SHANK2: variants seen among roughly 807,000 people sequenced by gnomAD.
SHANK2 encodes the protein SH3 and multiple ankyrin repeat domains protein 2.
SHANK2 carries 43 observed loss-of-function variants against 133.7 expected under a neutral mutation model. That is an observed-to-expected ratio of 0.32 (90% CI 0.25 to 0.41). The LOEUF (loss-of-function observed/expected upper bound fraction) is 0.41. Among genes scored for constraint, SHANK2 ranks in the 10% least tolerant of loss-of-function variants. The pLI is 1.00. For synonymous variants in SHANK2, 1,017 were observed against 952.8 expected, an observed-to-expected ratio of 1.07 and a Z score of -1.24; for missense variants, 1,994 against 2,235.8, an observed-to-expected ratio of 0.89 and a Z score of 2.18.
At chr11:70,934,129 G>A (rs1950538595) in intron 10 of SHANK2, among the ~76,000 whole-genome samples, 1 of 151,706 alleles carries the variant, frequency 6.6e-6, no homozygotes, top group African/African-American at 2.4e-5. Flanking sequence ...CCACTCCATA[G>A]GCAGAGGCGG....
chr11:70,755,364 G>A (rs782635435), intron 14 of SHANK2, among the ~76,000 whole-genome samples: 5 of 152,354 alleles, frequency 3.3e-5, no homozygotes, highest in East Asian at 1.9e-4. Context: ...GAGCCACTGC[G>A]CCCAGCGCGC....
intron 10 of SHANK2, among the ~76,000 whole-genome samples, chr11:70,913,565 A>T (rs1950226046): frequency 6.6e-6 from 1 of 152,210 alleles, no homozygotes; most frequent in Non-Finnish European, 1.5e-5. Context: ...AACAGCAAAG[A>T]ACCAGGGATG....
At chr11:70,930,239 A>G (rs946671761) in intron 10 of SHANK2, among the ~76,000 whole-genome samples, 1 of 152,162 alleles carries the variant, frequency 6.6e-6, no homozygotes, top group East Asian at 1.9e-4. Flanking sequence ...CTGTGGAAGG[A>G]AGCATGTCCT....
intron 5 of SHANK2, among the ~76,000 whole-genome samples, chr11:71,112,418 T>C (rs1183086540): frequency 6.6e-6 from 1 of 152,098 alleles, no homozygotes; most frequent in Non-Finnish European, 1.5e-5. Flanking sequence ...AATCCTTGCA[T>C]GCATCTGATA....
At chr11:70,619,628 C>G (rs930764520) in intron 17 of SHANK2, among the ~76,000 whole-genome samples, 4 of 152,204 alleles carry the variant, frequency 2.6e-5, no homozygotes, top group African/African-American at 4.8e-5. Context: ...TCTTGGGGAC[C>G]CTTATTCAGC....
At chr11:70,890,566 G>C (rs1302392107) in intron 11 of SHANK2, among the ~76,000 whole-genome samples, 1 of 151,986 alleles carries the variant, frequency 6.6e-6, no homozygotes, top group Admixed American at 6.5e-5. Context: ...TTGGGAGGCT[G>C]AGGCGGGCGG....
intron 2 of SHANK2, among the ~76,000 whole-genome samples, chr11:71,161,442 C>G (rs1953015260): frequency 2.0e-5 from 3 of 152,224 alleles, no homozygotes; most frequent in Non-Finnish European, 4.4e-5. Context: ...AACTAAGAGC[C>G]TGGCATCTTT....
At position 70,807,114 on chromosome 11, in the gene SHANK2, C is replaced by T. The variant is rs1555052102; in HGVS notation, c.1551G>A (p.Gly517=). 3 of 718,012 alleles carry T rather than the reference C, an allele frequency of 4.2e-6. No homozygotes were observed. In the South Asian group the frequency reaches 4.4e-5, roughly 11 times the overall value. The allele number at this position is 718,012 out of a possible 1,614,324, so 44.5% of individuals were successfully genotyped here. A position where few individuals can be genotyped will look rare whatever the true frequency, so the allele number is the denominator to read the frequency against. Residue 517 remains glycine, a synonymous_variant, in exon 13 of 26, where the codon GGG becomes GGA. Transcript: ENST00000601538. This position sits in a 1 kb window ranked among gnomAD's most constrained non-coding sequence, Gnocchi z 4.8. Reference sequence around the variant, plus strand: ...CGGCACTGTAGAGCTTCCGCTTGGGCCCCGGGTACTCGAAGGCCGAGAGTG... The same window carrying T: ...CGGCACTGTAGAGCTTCCGCTTGGGTCCCGGGTACTCGAAGGCCGAGAGTG... ...KDSLSAFEYP[G]PKRKLYSAVP...
At chr11:70,686,835 G>A (rs782611081) in intron 15 of SHANK2, among the ~76,000 whole-genome samples, 4 of 152,178 alleles carry the variant, frequency 2.6e-5, no homozygotes, top group Non-Finnish European at 5.9e-5. Context: ...AGCATTTCCC[G>A]AAAACCTGCT....
chr11:71,237,346 T>C (rs1192041525), intron 1 of SHANK2, among the ~76,000 whole-genome samples: 1 of 151,922 alleles, frequency 6.6e-6, no homozygotes, highest in Non-Finnish European at 1.5e-5. Context: ...ATAAGTAAAG[T>C]TTTTATTGGA....
intron 14 of SHANK2, among the ~76,000 whole-genome samples, chr11:70,755,003 A>T (rs1269846456): frequency 6.6e-6 from 1 of 152,238 alleles, no homozygotes; most frequent in Non-Finnish European, 1.5e-5. Flanking sequence ...CGATACTAGT[A>T]AAAGCAAGAT....
chr11:70,903,260 C>G (rs1164505061), intron 10 of SHANK2, among the ~76,000 whole-genome samples: 1 of 151,904 alleles, frequency 6.6e-6, no homozygotes, highest in Non-Finnish European at 1.5e-5. Context: ...ACCTGTAATC[C>G]CAGCTACTCG....
At chr11:70,946,549 C>T (rs1258701638) in intron 10 of SHANK2, among the ~76,000 whole-genome samples, 3 of 149,626 alleles carry the variant, frequency 2.0e-5, no homozygotes, top group Non-Finnish European at 4.5e-5. Flanking sequence ...CCAACTCTTC[C>T]CCAGGGTCAG....
At chr11:71,119,251 A>G (rs552694271) in intron 3 of SHANK2, among the ~76,000 whole-genome samples, 155 of 152,274 alleles carry the variant, frequency 1.0e-3, no homozygotes, top group African/African-American at 3.7e-3. Context: ...AGACCGAGGC[A>G]TTGGTCTCTT....
intron 2 of SHANK2, among the ~76,000 whole-genome samples, chr11:71,199,919 A>G (rs1953985067): frequency 6.6e-6 from 1 of 152,170 alleles, no homozygotes; most frequent in South Asian, 2.1e-4. Context: ...TCATTTCCAA[A>G]TAGATTAATC....
At chr11:70,579,056 G>A (rs531417223) in intron 17 of SHANK2, among the ~76,000 whole-genome samples, 1 of 152,246 alleles carries the variant, frequency 6.6e-6, no homozygotes, top group African/African-American at 2.4e-5. Context: ...TGAGAACGAG[G>A]CCTGTGCTGG....
intron 10 of SHANK2, among the ~76,000 whole-genome samples, chr11:70,929,676 G>C (rs1555082182): frequency 6.6e-6 from 1 of 152,074 alleles, no homozygotes; most frequent in Non-Finnish European, 1.5e-5. Flanking sequence ...TGATAACATG[G>C]GCCTGACTCA....
At chr11:70,537,130 G>A (rs983536970) in intron 17 of SHANK2, among the ~76,000 whole-genome samples, 2 of 152,148 alleles carry the variant, frequency 1.3e-5, no homozygotes, top group Non-Finnish European at 2.9e-5. Context: ...GAAAGGATCT[G>A]CCAAGTTCCC....
chr11:70,660,818 G>A (rs2061476061), intron 16 of SHANK2, among the ~76,000 whole-genome samples: 1 of 152,230 alleles, frequency 6.6e-6, no homozygotes, highest in Admixed American at 6.5e-5. Context: ...CTGGGGAGGA[G>A]GCCTCCTGCA....
Sources: gnomAD v4.1 joint callset for allele counts (sites outside exome capture counted in the v4.1 genomes callset) on GRCh38, gnomAD v4.1.1 for gene constraint, Gnocchi (gnomAD v3.1) non-coding constraint, MANE v1.5 for transcripts, NCBI Gene and HGNC (gene_info 2026-07-23, HGNC 2026-07-21) for gene names.